The following ZNF208 variants were observed in gnomAD, a reference collection of about 807,000 sequenced individuals.
ZNF208 encodes the protein zinc finger protein 95.
In ZNF208, 10 loss-of-function variants were observed where a neutral mutation model predicts 12.1. The observed-to-expected ratio is 0.83, with a 90% CI of 0.51 to 1.40. The LOEUF is 1.40. Among genes scored for constraint, ZNF208 ranks in the 40% most tolerant of loss-of-function variants. The pLI is 0.00. For missense variants in ZNF208, 1,652 were observed against 1,485.0 expected (o/e 1.11, Z -1.85); for synonymous variants, 497 against 488.4 (o/e 1.02, Z -0.23).
chr19:21,946,726 C>G (rs925083189), intron 4 of ZNF208, among the ~76,000 whole-genome samples: 3 of 152,116 alleles, frequency 2.0e-5, no homozygotes, highest in African/African-American at 7.2e-5. Context: ...GCTTCTTGTC[C>G]TAAGTTTTTG....
chr19:21,976,050 A>G (rs1398515810), intron 3 of ZNF208, among the ~76,000 whole-genome samples: 1 of 152,124 alleles, frequency 6.6e-6, no homozygotes, highest in Non-Finnish European at 1.5e-5. Context: ...AAAATACATT[A>G]TTTTCTAGGA....
At chr19:22,000,765 A>C (rs1970930300) in intron 1 of ZNF208, among the ~76,000 whole-genome samples, 1 of 152,174 alleles carries the variant, frequency 6.6e-6, no homozygotes, top group South Asian at 2.1e-4. Flanking sequence ...CAAGAGATCC[A>C]GGTATAAAAT....
chr19:22,000,983 A>G (rs1054600929), intron 1 of ZNF208, among the ~76,000 whole-genome samples: 3 of 152,172 alleles, frequency 2.0e-5, no homozygotes, highest in African/African-American at 7.2e-5. Flanking sequence ...GACTGAACAC[A>G]CACACACAAA....
At chr19:22,004,609 T>C (rs1200842613) in intron 1 of ZNF208, among the ~76,000 whole-genome samples, 1 of 152,058 alleles carries the variant, frequency 6.6e-6, no homozygotes, top group Non-Finnish European at 1.5e-5. Flanking sequence ...CAAGATTATG[T>C]CCTTTGCAGC....
chr19:21,939,848 C>T (rs1969705601), intron 4 of ZNF208: 1 of 152,070 alleles, frequency 6.6e-6, no homozygotes, highest in Admixed American at 6.6e-5. Flanking sequence ...ACATTGCATC[C>T]ATGGTTTCAG....
chr19:21,952,589 G>A (rs1969907340), intron 4 of ZNF208, among the ~76,000 whole-genome samples: 1 of 152,160 alleles, frequency 6.6e-6, no homozygotes, highest in Admixed American at 6.5e-5. Flanking sequence ...AGACCTGTTA[G>A]AAAGAAAACC....
intron 4 of ZNF208, among the ~76,000 whole-genome samples, chr19:21,952,869 C>G (rs1412003114): frequency 6.6e-6 from 1 of 152,218 alleles, no homozygotes; most frequent in South Asian, 2.1e-4. Context: ...TAACAAACTT[C>G]TGAGCTAAAG....
chr19:21,941,190 C>T, intron 4 of ZNF208: 1 of 395,924 alleles, frequency 2.5e-6, no homozygotes. Context: ...GAGGGTGAAG[C>T]TGCCCAAACT....
downstream of ZNF208, among the ~76,000 whole-genome samples, chr19:21,964,727 A>G (rs1970134783): frequency 6.6e-6 from 1 of 151,804 alleles, no homozygotes; most frequent in Admixed American, 6.6e-5. Flanking sequence ...CTGCATGTAC[A>G]TCATCATCCA....
chr19:21,960,256 C>T (rs181400858), intron 4 of ZNF208, among the ~76,000 whole-genome samples: 54 of 151,624 alleles, frequency 3.6e-4, no homozygotes, highest in Admixed American at 1.1e-3. Context: ...TGGCCTTGAT[C>T]CAAAAAATGT....
chr19:21,948,715 G>A (rs1202023878), intron 4 of ZNF208, among the ~76,000 whole-genome samples: 1 of 152,108 alleles, frequency 6.6e-6, no homozygotes, highest in Non-Finnish European at 1.5e-5. Flanking sequence ...AATGTTTAAT[G>A]TTACATGGAG....
At chr19:21,942,425 A>C (rs1029806209) in intron 4 of ZNF208, among the ~76,000 whole-genome samples, 1 of 152,146 alleles carries the variant, frequency 6.6e-6, no homozygotes, top group Non-Finnish European at 1.5e-5. Flanking sequence ...AGTGTATTCA[A>C]AGTTTTCTAG....
intron 4 of ZNF208, among the ~76,000 whole-genome samples, chr19:21,952,521 C>T (rs754924411): frequency 2.0e-5 from 3 of 152,166 alleles, no homozygotes; most frequent in Non-Finnish European, 4.4e-5. Context: ...CTGGTGATAC[C>T]CAGGCACTCA....
chr19:21,985,797 G>A (rs946987481), intron 3 of ZNF208, among the ~76,000 whole-genome samples: 5 of 152,160 alleles, frequency 3.3e-5, no homozygotes, highest in African/African-American at 1.2e-4. Flanking sequence ...TTCTGCCCAT[G>A]TAGAAACCTA....
chr19:21,996,653 C>G (rs1970840149), intron 1 of ZNF208, among the ~76,000 whole-genome samples: 1 of 152,026 alleles, frequency 6.6e-6, no homozygotes, highest in African/African-American at 2.4e-5. Context: ...ATAGGTGTTA[C>G]CTGAACATTT....
In ZNF208 at chr19:21,973,490, T is replaced by C. The variant is rs567922058; in HGVS notation, c.1544A>G (p.His515Arg). The C allele has an allele frequency of 3.7e-6, 6 of 1,613,454 alleles. No individual in the cohort carries two copies. In the African/African-American group the frequency reaches 6.7e-5, roughly 18 times the overall value. The stretch of plus-strand genomic sequence containing the variant: ...TTTCTCTCCAGTATGAATTCTCTTA[T>C]GTTCCATAAGGTTTGAGGACCAGTT... ...AFNWSSNLME[H>R]KRIHTGEKPY... is the part of the protein sequence containing the mutation. The change falls in exon 4 of 4, where the codon CAT (histidine) becomes CGT (arginine). Residue 515 changes from histidine (H) to arginine (R), a missense_variant. By Grantham distance (29) the His-to-Arg change is conservative (BLOSUM62 0). Coordinates refer to ENST00000397126, the MANE Select transcript of ZNF208 (RefSeq NM_007153.3).
Position 21,966,401 on chromosome 19 carries a change from G to A in ZNF208, c.*4790C>T, listed in dbSNP as rs556244283. ...AATAATTTGCTTAGAATGGCCTGAA[G>A]CAGAGCTGCATTCATGTTGCTGCAA... On this transcript the variant is annotated 3_prime_UTR_variant, in exon 4 of 4. Coordinates refer to ENST00000397126, the MANE Select transcript of ZNF208 (RefSeq NM_007153.3). 1 of 152,212 alleles carries A rather than the reference G, an allele frequency of 6.6e-6. No homozygotes were observed. The highest frequency in any genetic ancestry group is 2.1e-4 in the South Asian group (1 of 4,832). The allele number at this position is 152,212 out of a possible 1,614,324, so 9.4% of individuals were successfully genotyped here. A position where few individuals can be genotyped will look rare whatever the true frequency, so the allele number is the denominator to read the frequency against.
chr19:21,952,630 G>T (rs1371377246), intron 4 of ZNF208, among the ~76,000 whole-genome samples: 1 of 151,714 alleles, frequency 6.6e-6, no homozygotes, highest in Non-Finnish European at 1.5e-5. Flanking sequence ...AGCAACATCA[G>T]CAAAAAGGAT....
rs1208347836 is a variant in ZNF208 at position 21,970,034 on chromosome 19, TGA to T, written c.*1155_*1156del. The stretch of plus-strand genomic sequence containing the variant: ...TTTATTACAGTAGTTTTCTCCAGTA[TGA>T]GTTATCTTACCTACAATCAAGTGTG... On this transcript the variant is annotated 3_prime_UTR_variant, in exon 4 of 4. Transcript: ENST00000397126. Among the ~76,000 whole-genome samples the T allele has an allele frequency of 2.0e-5, 3 of 152,194 alleles. No individual in the cohort carries two copies. Among genetic ancestry groups the T allele is most frequent in the African/African-American group, 7.2e-5 (3 of 41,458 alleles).
Sources: gnomAD v4.1 joint callset for allele counts (sites outside exome capture counted in the v4.1 genomes callset) on GRCh38, gnomAD v4.1.1 for gene constraint, MANE v1.5 for transcripts, NCBI Gene and HGNC (gene_info 2026-07-23, HGNC 2026-07-21) for gene names.